DYM: variants seen among roughly 807,000 people sequenced by gnomAD.
The protein encoded by DYM is dymeclin.
DYM carries 78 observed loss-of-function variants against 93.1 expected under a neutral mutation model. The observed-to-expected ratio is 0.84, with a 90% CI of 0.70 to 1.01. The LOEUF is 1.01. DYM is among the 50% of genes least tolerant of loss of function. The pLI is 0.00. For synonymous variants in DYM, 321 were observed against 319.7 expected (o/e 1.00, Z -0.04); for missense variants, 789 against 845.0 (o/e 0.93, Z 0.82).
At chr18:49,335,704 A>G (rs2063607515) in intron 6 of DYM, among the ~76,000 whole-genome samples, 1 of 152,224 alleles carries the variant, frequency 6.6e-6, no homozygotes, top group South Asian at 2.1e-4. Flanking sequence ...CACCTGGGTC[A>G]GAGTTTAAAG....
At chr18:49,202,648 C>G (rs2092111831) in intron 14 of DYM, among the ~76,000 whole-genome samples, 1 of 116,118 alleles carries the variant, frequency 8.6e-6, no homozygotes, top group Non-Finnish European at 1.8e-5. Flanking sequence ...CCCCGCCGCC[C>G]CATCTGGGAT....
At chr18:49,224,806 C>A (rs1027742247) in intron 13 of DYM, among the ~76,000 whole-genome samples, 5 of 151,986 alleles carry the variant, frequency 3.3e-5, no homozygotes, top group Non-Finnish European at 5.9e-5. Flanking sequence ...GTTATAGCAA[C>A]CCGAACTAAG....
chr18:49,337,129 ATATAAC>A (rs1271616933), intron 6 of DYM, among the ~76,000 whole-genome samples: 2 of 152,214 alleles, frequency 1.3e-5, no homozygotes, highest in African/African-American at 4.8e-5. Context: ...TACAAGGCAT[ATATAAC>A]TTAGGATAGC....
chr18:49,305,796 C>T (rs929177211), intron 8 of DYM, among the ~76,000 whole-genome samples: 1 of 78,562 alleles, frequency 1.3e-5, no homozygotes, highest in Non-Finnish European at 2.7e-5. Context: ...TCTGCCTATA[C>T]TCTGACTTCC....
At chr18:49,412,845 C>CCT (rs1431705303) in intron 2 of DYM, 2 of 152,144 alleles carry the variant, frequency 1.3e-5, no homozygotes, top group African/African-American at 4.8e-5. Flanking sequence ...AGTCTCTCTT[C>CCT]CTGTGTGTCA....
Position 49,279,576 on chromosome 18 carries a change from G to A in DYM, c.1125+2421C>T, listed in dbSNP as rs115808141. Among the ~76,000 whole-genome samples the A allele has an allele frequency of 3.5e-3, 533 of 152,214 alleles. 4 individuals carry two copies. Among genetic ancestry groups the A allele is most frequent in the African/African-American group, 0.012 (490 of 41,536 alleles). ...ACACAAAACCTTTTAACCTTTCACC[G>A]GGTATGTCATCAAACGCAGACAGCT... is the stretch of plus-strand genomic sequence containing the variant. On this transcript the variant is annotated intron_variant, in intron 10 of 17. Coordinates refer to ENST00000675505, the MANE Select transcript of DYM (RefSeq NM_001353214.3).
intron 15 of DYM, 88 bp downstream of exon 15, chr18:49,163,597 G>C (rs1393745590): frequency 2.4e-6 from 2 of 828,184 alleles, no homozygotes; most frequent in Non-Finnish European, 4.0e-6. Flanking sequence ...ATCTGCCTCG[G>C]CCTCCCAAAG....
chr18:49,430,185 T>C, intron 2 of DYM, 70 bp downstream of exon 2: 1 of 1,478,312 alleles, frequency 6.8e-7, no homozygotes, highest in Non-Finnish European at 9.4e-7. Flanking sequence ...TAAATTTTTT[T>C]TTAATCAGCA....
rs186629978 is a variant in DYM, at chr18:49,387,037, G to A, written c.193+4556C>T. Among the ~76,000 whole-genome samples the A allele has an allele frequency of 5.1e-4, 77 of 150,850 alleles. 1 individual carries two copies. Among genetic ancestry groups the A allele is most frequent in the Admixed American group, 3.8e-3 (58 of 15,130 alleles). ...AGCTCACTGCAGCCTCAACCTCCCA[G>A]GCTCAAGAGATCTTCCCATCTCAGC... On this transcript the variant is annotated intron_variant, in intron 3 of 17. Coordinates refer to ENST00000675505, the MANE Select transcript of DYM (RefSeq NM_001353214.3).
At chr18:49,049,357 T>C (rs2072078816) in intron 17 of DYM, among the ~76,000 whole-genome samples, 1 of 152,196 alleles carries the variant, frequency 6.6e-6, no homozygotes, top group African/African-American at 2.4e-5. Context: ...GAGGGCCTAG[T>C]GTATAGTAAG....
chr18:49,109,868 A>G (rs760030060), intron 16 of DYM, among the ~76,000 whole-genome samples: 30 of 151,838 alleles, frequency 2.0e-4, no homozygotes, highest in Non-Finnish European at 4.3e-4. Context: ...ACAAGATGAA[A>G]TCTGTGGAAA....
intron 17 of DYM, among the ~76,000 whole-genome samples, chr18:49,046,124 A>G (rs918090064): frequency 1.3e-5 from 2 of 151,520 alleles, no homozygotes; most frequent in Admixed American, 1.3e-4. Context: ...CCCCAAATAC[A>G]CACCACTCAC....
intron 15 of DYM, among the ~76,000 whole-genome samples, chr18:49,119,144 AT>A (rs1432938222): frequency 6.6e-6 from 1 of 152,236 alleles, no homozygotes; most frequent in African/African-American, 2.4e-5. Flanking sequence ...TATGGTAATA[AT>A]TAGGAATTTC....
chr18:49,172,151 T>C (rs1037478269), intron 14 of DYM, among the ~76,000 whole-genome samples: 3 of 152,226 alleles, frequency 2.0e-5, no homozygotes, highest in Non-Finnish European at 2.9e-5. Context: ...GTGTCTGCCA[T>C]CTATCACTCA....
chr18:49,338,955 C>T (rs1488777576), intron 6 of DYM, among the ~76,000 whole-genome samples: 2 of 152,022 alleles, frequency 1.3e-5, no homozygotes, highest in African/African-American at 2.4e-5. Context: ...ACAAAGTTAA[C>T]AGGCAGATAA....
chr18:49,378,791 C>T (rs553627531), intron 4 of DYM, 91 bp from the exon 5 acceptor site: 11 of 1,362,854 alleles, frequency 8.1e-6, no homozygotes, highest in African/African-American at 1.4e-5. Flanking sequence ...ATTTGACAAC[C>T]GTTTTGTCCA....
intron 3 of DYM, among the ~76,000 whole-genome samples, chr18:49,386,423 AT>A (rs2068630002): frequency 6.6e-6 from 1 of 152,200 alleles, no homozygotes; most frequent in South Asian, 2.1e-4. Context: ...GATAAGTCAT[AT>A]TAATAGCATG....
At chr18:49,132,460 C>T (rs145888771) in intron 15 of DYM, among the ~76,000 whole-genome samples, 100 of 152,116 alleles carry the variant, frequency 6.6e-4, no homozygotes, top group African/African-American at 2.3e-3. Context: ...AGGGAAAAAT[C>T]TGTCAGAGAC....
At chr18:49,174,751 TC>T (rs2089187981) in intron 14 of DYM, among the ~76,000 whole-genome samples, 1 of 152,052 alleles carries the variant, frequency 6.6e-6, no homozygotes, top group Admixed American at 6.6e-5. Context: ...AAAGACGTAA[TC>T]CCGGAGTTGG....
Sources: gnomAD v4.1 joint callset for allele counts (sites outside exome capture counted in the v4.1 genomes callset) on GRCh38, gnomAD v4.1.1 for gene constraint, MANE v1.5 for transcripts, NCBI Gene and HGNC (gene_info 2026-07-23, HGNC 2026-07-21) for gene names.